Variants in MACF1 observed in about 807,000 individuals in gnomAD.
The protein encoded by MACF1 is microtubule-actin cross-linking factor 1.
A neutral mutation model predicts 854.8 loss-of-function variants in MACF1; 193 were observed. The observed-to-expected ratio is 0.23, with a 90% CI of 0.20 to 0.25. MACF1 has a LOEUF of 0.25. MACF1 is among the 10% of genes least tolerant of loss of function. The pLI is 1.00. For missense variants in MACF1, 7,722 were observed against 8,929.1 expected (o/e 0.86, Z 5.45); for synonymous variants, 3,185 against 3,226.7 (o/e 0.99, Z 0.44).
chr1:39,320,867 G>GT (rs1646501531), intron 31 of MACF1, among the ~76,000 whole-genome samples: 2 of 152,152 alleles, frequency 1.3e-5, no homozygotes, highest in Non-Finnish European at 2.9e-5. Context: ...CTCCTCAAGA[G>GT]GCTGAGGTAG....
intron 2 of MACF1, among the ~76,000 whole-genome samples, chr1:39,177,547 C>T (rs1001416653): frequency 6.6e-6 from 1 of 152,116 alleles, no homozygotes; most frequent in Non-Finnish European, 1.5e-5. Flanking sequence ...GGTCCAGGAG[C>T]CACTCCACAT....
chr1:39,445,382 C>G (rs1334202109), intron 80 of MACF1, among the ~76,000 whole-genome samples: 1 of 150,358 alleles, frequency 6.7e-6, no homozygotes, highest in East Asian at 1.9e-4. Flanking sequence ...TACAGAGTTT[C>G]ACTGTATTTT....
chr1:39,481,750 T>C (rs909104201), intron 99 of MACF1, among the ~76,000 whole-genome samples: 1 of 152,074 alleles, frequency 6.6e-6, no homozygotes, highest in African/African-American at 2.4e-5. Context: ...AGTAGTGCAG[T>C]TTGCATTCCA....
At chr1:39,270,684 AC>A (rs1645299023) in intron 6 of MACF1, among the ~76,000 whole-genome samples, 1 of 152,140 alleles carries the variant, frequency 6.6e-6, no homozygotes, top group Non-Finnish European at 1.5e-5. Context: ...AGAAATAAAA[AC>A]ATTAGGACTT....
intron 2 of MACF1, among the ~76,000 whole-genome samples, chr1:39,233,808 T>A (rs10888717): frequency 0.21 from 13,279 of 64,028 alleles, 2,091 homozygotes; most frequent in African/African-American, 0.35. Context: ...ATTTATTTTT[T>A]ATTGATAATT....
At position 39,318,618 on chromosome 1, in the gene MACF1, G is replaced by T. The variant is rs1314670200; in HGVS notation, c.3945+3G>T. 6.2e-7 allele frequency: 1 copy of T among 1,605,610 alleles called. No individual in the cohort carries two copies. The highest frequency in any genetic ancestry group is 1.3e-5 in the African/African-American group (1 of 74,568). ...CGGAGCAGCTCAGCCAGCAGACGGTGAGTGTGGTAGTAGCTCTGGCGAGAA... is the reference window on the plus strand; with the variant it reads ...CGGAGCAGCTCAGCCAGCAGACGGTTAGTGTGGTAGTAGCTCTGGCGAGAA... On this transcript the variant is annotated splice_donor_region_variant and intron_variant, in intron 30 of 100. Coordinates refer to ENST00000564288, the MANE Select transcript of MACF1 (RefSeq NM_001394062.1).
At chr1:39,223,479 T>G (rs1644677739) in intron 1 of MACF1, among the ~76,000 whole-genome samples, 1 of 152,204 alleles carries the variant, frequency 6.6e-6, no homozygotes, top group South Asian at 2.1e-4. Flanking sequence ...TACAAGGTGC[T>G]TAGCACCTAA....
chr1:39,157,287 C>G (rs1334285174), intron 2 of MACF1, among the ~76,000 whole-genome samples: 1 of 152,156 alleles, frequency 6.6e-6, no homozygotes, highest in Non-Finnish European at 1.5e-5. Context: ...ATTATCTTAG[C>G]AGCTGTCACA....
chr1:39,360,236 C>T (rs557602410), intron 47 of MACF1, among the ~76,000 whole-genome samples: 1 of 151,076 alleles, frequency 6.6e-6, no homozygotes, highest in South Asian at 2.1e-4. Context: ...TCAAAAGAAA[C>T]GAAAGATAAT....
Position 39,292,835 on chromosome 1 carries a change from A to G in MACF1, c.1984A>G (p.Lys662Glu). ...TLGKLETQYC[K>E]LKETSSFRMR... is the part of the protein sequence containing the mutation. ...TGGAAAGCTGGAGACACAGTATTGT[A>G]AATTGAAGGTGAGTTTCTGCCGATT... is the stretch of plus-strand genomic sequence containing the variant. The change falls in exon 17 of 101, where the codon AAA becomes GAA. Residue 662 changes from lysine to glutamate, a missense_variant. By Grantham distance (56) the Lys-to-Glu change is moderately conservative. This residue lies in a region of MACF1 where 1,137 missense variants were observed against 1,263.0 expected (regional missense o/e 0.90). Transcript: ENST00000564288. 1 of 1,612,258 alleles carries G rather than the reference A, an allele frequency of 6.2e-7. No homozygotes were observed. The highest frequency in any genetic ancestry group is 8.5e-7 in the Non-Finnish European group (1 of 1,179,290).
chr1:39,275,262 T>G lies in MACF1; in HGVS notation c.529-6946T>G, dbSNP rs549040219. Among the ~76,000 whole-genome samples, 31 of 152,214 alleles carry G rather than the reference T, an allele frequency of 2.0e-4. 1 individual carries two copies. The highest frequency in any genetic ancestry group is 7.5e-4 in the African/African-American group (31 of 41,534). ...CCCGGTTAATTTTGTTTTTGTATTTTTAGTAGAGACGGGGTTTCACTGTGT... is the reference window on the plus strand; with the variant it reads ...CCCGGTTAATTTTGTTTTTGTATTTGTAGTAGAGACGGGGTTTCACTGTGT... On this transcript the variant is annotated intron_variant, in intron 6 of 100. Transcript: ENST00000564288.
chr1:39,418,640 A>C (rs1643419157), intron 58 of MACF1, among the ~76,000 whole-genome samples: 1 of 152,248 alleles, frequency 6.6e-6, no homozygotes, highest in Non-Finnish European at 1.5e-5. Flanking sequence ...AGGCAGGCAG[A>C]TCACTTGAGG....
chr1:39,459,498 A>G (rs1393698386), intron 91 of MACF1, among the ~76,000 whole-genome samples: 1 of 152,234 alleles, frequency 6.6e-6, no homozygotes, highest in African/African-American at 2.4e-5. Flanking sequence ...CAGCCAGTCC[A>G]TAATGAGGGC....
chr1:39,154,466 C>T (rs747442686), intron 2 of MACF1, among the ~76,000 whole-genome samples: 1 of 152,106 alleles, frequency 6.6e-6, no homozygotes, highest in Non-Finnish European at 1.5e-5. Context: ...GTTTCTCTGA[C>T]ACTGATACGT....
chr1:39,447,463 C>T lies in MACF1; in HGVS notation c.19637C>T (p.Thr6546Ile). The part of the protein sequence containing the change: ...SKLEEALNLA[T>I]EFQNSLQEFI... ...CTGGAAGAGGCCCTCAACTTGGCAA[C>T]AGAATTCCAGAATTCCCTACAAGAA... is the stretch of plus-strand genomic sequence containing the variant. Residue 6546 changes from threonine to isoleucine, a missense_variant, in exon 81 of 101, where the codon ACA becomes ATA. This residue lies in a region of MACF1 where 729 missense variants were observed against 900.5 expected (regional missense o/e 0.81). Coordinates refer to ENST00000564288, the MANE Select transcript of MACF1 (RefSeq NM_001394062.1). 1 of 1,614,082 alleles carries T rather than the reference C, an allele frequency of 6.2e-7. No homozygotes were observed. Among genetic ancestry groups the T allele is most frequent in the Non-Finnish European group, 8.5e-7 (1 of 1,180,004 alleles).
At chr1:39,411,856 T>A in intron 58 of MACF1, 2 of 1,613,942 alleles carry the variant, frequency 1.2e-6, no homozygotes, top group Non-Finnish European at 8.5e-7. Context: ...GGCAAAAGAT[T>A]ATGATACTAG....
chr1:39,296,751 AAAGGAAGG>A (rs1305821871), intron 20 of MACF1, among the ~76,000 whole-genome samples: 1 of 93,648 alleles, frequency 1.1e-5, no homozygotes, highest in African/African-American at 4.5e-5. Flanking sequence ...AGAAAGAAAG[AAAGGAAGG>A]AAGGAAGGAA....
intron 90 of MACF1, 184 bp downstream of exon 90, chr1:39,458,674 C>A: frequency 1.4e-6 from 1 of 707,714 alleles, no homozygotes; most frequent in Non-Finnish European, 2.2e-6. Flanking sequence ...ACTCCATATT[C>A]TTTGGTATGA....
chr1:39,203,484 C>T (rs112824161), upstream of MACF1, among the ~76,000 whole-genome samples: 26 of 152,352 alleles, frequency 1.7e-4, no homozygotes, highest in African/African-American at 5.8e-4. Context: ...GGATTACAAG[C>T]ATGAGCCACT....
Sources: gnomAD v4.1 joint callset for allele counts (sites outside exome capture counted in the v4.1 genomes callset) on GRCh38, gnomAD v4.1.1 for gene constraint, gnomAD v4.1.1 regional missense constraint, MANE v1.5 for transcripts, NCBI Gene and HGNC (gene_info 2026-07-23, HGNC 2026-07-21) for gene names.